The following SLC7A8 variants were observed in gnomAD, a reference collection of about 807,000 sequenced individuals.
The protein encoded by SLC7A8 is solute carrier family 7 member 8, also known as large neutral amino acids transporter small subunit 2.
In SLC7A8, 30 loss-of-function variants were observed where a neutral mutation model predicts 51.2. The ratio of observed to expected loss-of-function variants is 0.59; its 90% CI spans 0.44 to 0.80. SLC7A8 has a LOEUF of 0.80. Among genes scored for constraint, SLC7A8 ranks in the 30% least tolerant of loss-of-function variants. The pLI is 0.00. For synonymous variants in SLC7A8, 257 were observed against 275.8 expected (o/e 0.93, Z 0.67); for missense variants, 612 against 674.4 (o/e 0.91, Z 1.03).
rs1460051038 is a variant in SLC7A8 at position 23,135,079 on chromosome 14, A to AT, written c.1016+2841dup. Reference sequence around the variant, plus strand: ...ACCACGCCCAGCCCTAAAAGTTATTATTTTTTTAATATTTTTTATTTTTAT... The same window carrying AT: ...ACCACGCCCAGCCCTAAAAGTTATTATTTTTTTTAATATTTTTTATTTTTAT... On this transcript the variant is annotated intron_variant, in intron 7 of 10. Coordinates refer to ENST00000316902, the MANE Select transcript of SLC7A8 (RefSeq NM_012244.4). 2.6e-4 allele frequency among the ~76,000 whole-genome samples: 39 copies of AT among 151,554 alleles called. No homozygotes were observed. The East Asian group carries it at 7.5e-3, about 29-fold the overall frequency.
chr14:23,163,174 T>C (rs1311067150), intron 3 of SLC7A8, among the ~76,000 whole-genome samples: 2 of 152,174 alleles, frequency 1.3e-5, no homozygotes, highest in Non-Finnish European at 2.9e-5. Flanking sequence ...GTGACTGATA[T>C]GACTGGGGTG....
At chr14:23,139,325 T>A in intron 6 of SLC7A8, 99 bp downstream of exon 6, 6 of 1,577,838 alleles carry the variant, frequency 3.8e-6, no homozygotes, top group Non-Finnish European at 5.2e-6. Flanking sequence ...TGATTTCCAC[T>A]TCCACAAGGC....
At chr14:23,136,145 A>C (rs1276083068) in intron 7 of SLC7A8, among the ~76,000 whole-genome samples, 1 of 152,248 alleles carries the variant, frequency 6.6e-6, no homozygotes, top group African/African-American at 2.4e-5. Flanking sequence ...AGCGAACAGC[A>C]GCAGCTAATC....
rs886183010 is a variant in SLC7A8, at chr14:23,126,994, G to A, written c.*183C>T. The A allele has an allele frequency of 1.4e-6, 1 of 702,222 alleles. No individual in the cohort carries two copies. The highest frequency in any genetic ancestry group is 2.4e-6 in the Non-Finnish European group (1 of 422,100). The allele number at this position is 702,222 out of a possible 1,614,324, so 43.5% of individuals were successfully genotyped here. A position where few individuals can be genotyped will look rare whatever the true frequency, so the allele number is the denominator to read the frequency against. On this transcript the variant is annotated 3_prime_UTR_variant, in exon 11 of 11. Coordinates refer to ENST00000316902, the MANE Select transcript of SLC7A8 (RefSeq NM_012244.4). ...GACATGGACCCTGGGGTGAGAGGCT[G>A]GTTCTTTGGGTATGAATGTCAGTTT...
chr14:23,147,957 A>G (rs924206113), intron 3 of SLC7A8, among the ~76,000 whole-genome samples: 1 of 152,190 alleles, frequency 6.6e-6, no homozygotes, highest in Non-Finnish European at 1.5e-5. Flanking sequence ...CTCGCTGCAG[A>G]CCTGCAACTG....
chr14:23,151,749 TA>T (rs60024939), intron 3 of SLC7A8, among the ~76,000 whole-genome samples: 89,164 of 100,834 alleles, frequency 0.88, 39,855 homozygotes, highest in Middle Eastern at 0.98. Flanking sequence ...CCCTGTCTCT[TA>T]AAAAAAAAAA....
intron 3 of SLC7A8, among the ~76,000 whole-genome samples, chr14:23,144,595 A>G (rs2048774833): frequency 6.6e-6 from 1 of 152,136 alleles, no homozygotes; most frequent in Non-Finnish European, 1.5e-5. Context: ...GTATTCTTAT[A>G]TGGTACTTCT....
At chr14:23,153,349 C>G (rs2048863754) in intron 3 of SLC7A8, among the ~76,000 whole-genome samples, 1 of 152,162 alleles carries the variant, frequency 6.6e-6, no homozygotes, top group Non-Finnish European at 1.5e-5. Flanking sequence ...CTGGGACAGC[C>G]CAATTCCCAG....
rs559036071 is a variant in SLC7A8 at position 23,181,455 on chromosome 14, G to T, written c.151+1309C>A. ...GTGTAGGAGGAGTTGGTGGGGGTGG[G>T]GGGGGGATGGGATTTCATTTTAGAG... On this transcript the variant is annotated intron_variant, in intron 1 of 10. Coordinates refer to ENST00000316902, the MANE Select transcript of SLC7A8 (RefSeq NM_012244.4). 2.0e-3 allele frequency among the ~76,000 whole-genome samples: 284 copies of T among 139,550 alleles called. 1 individual carries two copies. The highest frequency in any genetic ancestry group is 8.8e-3 in the African/African-American group (262 of 29,934). The allele number at this position is 139,550 out of a possible 152,430, so 91.6% of individuals were successfully genotyped here.
At chr14:23,174,923 A>G (rs1374833216) in intron 1 of SLC7A8, among the ~76,000 whole-genome samples, 5 of 152,130 alleles carry the variant, frequency 3.3e-5, no homozygotes. Flanking sequence ...AGTTTGGGAT[A>G]TACTCCTGGG....
At chr14:23,169,882 T>C (rs1002644602) in intron 1 of SLC7A8, among the ~76,000 whole-genome samples, 1 of 152,192 alleles carries the variant, frequency 6.6e-6, no homozygotes, top group African/African-American at 2.4e-5. Context: ...GGAAGCTAAA[T>C]CTTCTGTCAC....
chr14:23,166,244 AC>A (rs781102135), intron 2 of SLC7A8, 91 bp downstream of exon 2: 327 of 1,386,284 alleles, frequency 2.4e-4, no homozygotes, highest in Non-Finnish European at 3.1e-4. Flanking sequence ...GAGACTGGAA[AC>A]CCCTGGCCTT....
At position 23,125,658 on chromosome 14, in the gene SLC7A8, T is replaced by C. The variant is rs1463234986; in HGVS notation, c.*1519A>G. ...ACTTGGCATCTCACCAACTATGGGG[T>C]GGGCAAGCTGGGCGGGGAAGCTGGG... is the stretch of plus-strand genomic sequence containing the variant. On this transcript the variant is annotated 3_prime_UTR_variant, in exon 11 of 11. Coordinates refer to ENST00000316902, the MANE Select transcript of SLC7A8 (RefSeq NM_012244.4). The C allele has an allele frequency of 5.9e-5, 9 of 152,126 alleles. No homozygotes were observed. Among genetic ancestry groups the C allele is most frequent in the African/African-American group, 1.9e-4 (8 of 41,292 alleles). The allele number at this position is 152,126 out of a possible 1,614,324, so 9.4% of individuals were successfully genotyped here. A position where few individuals can be genotyped will look rare whatever the true frequency, so the allele number is the denominator to read the frequency against.
At chr14:23,180,112 T>A (rs373164778) in intron 1 of SLC7A8, among the ~76,000 whole-genome samples, 2 of 152,128 alleles carry the variant, frequency 1.3e-5, no homozygotes, top group Admixed American at 1.3e-4. Context: ...TTCACCGTGT[T>A]AGCCAGGATG....
At position 23,150,571 on chromosome 14, in the gene SLC7A8, C is replaced by T. The variant is rs971109227; in HGVS notation, c.509-7367G>A. 1.6e-4 allele frequency among the ~76,000 whole-genome samples: 25 copies of T among 152,170 alleles called. 1 individual carries two copies. The highest frequency in any genetic ancestry group is 4.6e-4 in the African/African-American group (19 of 41,424). On this transcript the variant is annotated intron_variant, in intron 3 of 10. Coordinates refer to ENST00000316902, the MANE Select transcript of SLC7A8 (RefSeq NM_012244.4). The stretch of plus-strand genomic sequence containing the variant: ...TAACCTCTCTGAGCCTCCCTTTTCT[C>T]CATGTAAAACCTATGGTCCATTTGA...
intron 7 of SLC7A8, among the ~76,000 whole-genome samples, chr14:23,133,440 CAAAAAAAAA>C (rs10577714): frequency 1.1e-5 from 1 of 93,224 alleles, no homozygotes; most frequent in African/African-American, 4.1e-5. Flanking sequence ...GAACCTGTCT[CAAAAAAAAA>C]AAAAAAAAAA....
chr14:23,136,483 A>G (rs754799288), intron 7 of SLC7A8, among the ~76,000 whole-genome samples: 1 of 152,206 alleles, frequency 6.6e-6, no homozygotes, highest in African/African-American at 2.4e-5. Flanking sequence ...GACATTAAGC[A>G]TAACACACAT....
chr14:23,137,921 C>T lies in SLC7A8; in HGVS notation c.1016G>A (p.Arg339Gln), dbSNP rs748388088. 2 of 1,613,582 alleles carry T rather than the reference C, an allele frequency of 1.2e-6. No individual in the cohort carries two copies. Among genetic ancestry groups the T allele is most frequent in the Non-Finnish European group, 8.5e-7 (1 of 1,179,936 alleles). Residue 339 changes from arginine (R) to glutamine (Q), a missense_variant and splice_region_variant, in exon 7 of 11, where the codon CGG becomes CAG. Transcript: ENST00000316902. ...GGGGAAGGGCCCAGGCAGCACTCAC[C>T]GAGAGGAGGTGAAGAGAGACCCATT... ...GVNGSLFTSS[R>Q]LFFAGAREGH... is the part of the protein sequence containing the mutation.
At chr14:23,147,164 C>T (rs1198386624) in intron 3 of SLC7A8, among the ~76,000 whole-genome samples, 1 of 151,916 alleles carries the variant, frequency 6.6e-6, no homozygotes, top group Non-Finnish European at 1.5e-5. Flanking sequence ...TCCACCCACC[C>T]ATCTATCCAT....
Sources: allele counts gnomAD v4.1 joint callset (sites outside exome capture counted in the v4.1 genomes callset), GRCh38; gene constraint gnomAD v4.1.1; transcripts MANE v1.5; gene names NCBI Gene and HGNC (gene_info 2026-07-23, HGNC 2026-07-21).